The following NCK2 variants were observed in gnomAD, a reference collection of about 807,000 sequenced individuals.
NCK2 encodes the protein NCK adaptor protein 2, also known as cytoplasmic protein NCK2.
A neutral mutation model predicts 33.9 loss-of-function variants in NCK2; 16 were observed. The observed-to-expected ratio is 0.47, with a 90% CI of 0.32 to 0.72. The LOEUF is 0.72. Ranked by LOEUF, NCK2 falls within the 30% of genes least tolerant of loss-of-function variation. The pLI, the probability that NCK2 is intolerant of heterozygous loss-of-function variation, is 0.03. For missense variants in NCK2, 418 were observed against 537.3 expected (o/e 0.78, Z 2.19); for synonymous variants, 273 against 239.9 (o/e 1.14, Z -1.27).
intron 1 of NCK2, among the ~76,000 whole-genome samples, chr2:105,790,482 C>T (rs1690841302): frequency 6.6e-6 from 1 of 152,188 alleles, no homozygotes; most frequent in African/African-American, 2.4e-5. Context: ...GGAGCCCGGC[C>T]ACCCCCGCCT....
chr2:105,869,875 TC>T (rs1446159110), intron 3 of NCK2, among the ~76,000 whole-genome samples: 1 of 152,254 alleles, frequency 6.6e-6, no homozygotes, highest in East Asian at 1.9e-4. Context: ...CATTTGACTT[TC>T]ATTCACATTT....
At chr2:105,891,973 G>A (rs939318829) in intron 4 of NCK2, among the ~76,000 whole-genome samples, 1 of 151,982 alleles carries the variant, frequency 6.6e-6, no homozygotes, top group Non-Finnish European at 1.5e-5. Context: ...GCTTCCTCTG[G>A]GATATTGTGA....
At chr2:105,829,405 G>T (rs138888288) in intron 2 of NCK2, among the ~76,000 whole-genome samples, 4 of 152,142 alleles carry the variant, frequency 2.6e-5, no homozygotes, top group South Asian at 2.1e-4. Flanking sequence ...AACTAAAATT[G>T]GTCCATTATT....
chr2:105,859,310 T>TA (rs1677420966), intron 3 of NCK2, among the ~76,000 whole-genome samples: 2 of 152,306 alleles, frequency 1.3e-5, no homozygotes, highest in East Asian at 3.9e-4. Flanking sequence ...CCCAAAAAGT[T>TA]ACGGTTCCAT....
chr2:105,824,695 C>T (rs1451788197), intron 2 of NCK2, among the ~76,000 whole-genome samples: 2 of 152,092 alleles, frequency 1.3e-5, no homozygotes, highest in African/African-American at 4.8e-5. Flanking sequence ...GGGTGTTGTG[C>T]TTTCATGGCT....
chr2:105,774,782 T>C (rs943809404), intron 1 of NCK2, among the ~76,000 whole-genome samples: 1 of 152,150 alleles, frequency 6.6e-6, no homozygotes, highest in Non-Finnish European at 1.5e-5. Flanking sequence ...TGTGAAGCAT[T>C]CATTGGACAC....
chr2:105,877,073 A>C (rs1396200515), intron 3 of NCK2, among the ~76,000 whole-genome samples: 2 of 152,310 alleles, frequency 1.3e-5, no homozygotes, highest in East Asian at 3.9e-4. Context: ...GGGATCGCTG[A>C]GTCCCCTAAG....
rs553842426 is a variant in NCK2, at chr2:105,757,430, C to CT, written c.-201+12293dup. Among the ~76,000 whole-genome samples, 43 of 152,188 alleles carry CT rather than the reference C, an allele frequency of 2.8e-4. No individual in the cohort carries two copies. In the South Asian group the frequency reaches 8.5e-3, roughly 30 times the overall value. ...AAATTGATGTTGCTGTTGCTTTTCT[C>CT]TGAGTGTAGTTAGGAGGGCTGGAAG... On this transcript the variant is annotated intron_variant, in intron 1 of 4. Transcript: ENST00000233154.
intron 2 of NCK2, among the ~76,000 whole-genome samples, chr2:105,828,413 A>G (rs114046263): frequency 0.012 from 1,878 of 152,336 alleles, 27 homozygotes; most frequent in Non-Finnish European, 0.015. Flanking sequence ...GGTCAAATTT[A>G]AAAAATGGCA....
intron 1 of NCK2, among the ~76,000 whole-genome samples, chr2:105,768,479 G>C (rs1401535128): frequency 6.6e-6 from 1 of 152,122 alleles, no homozygotes; most frequent in African/African-American, 2.4e-5. Flanking sequence ...CTGATCAACT[G>C]GCTGTAAATT....
At chr2:105,890,476 G>C (rs1036741840) in intron 4 of NCK2, among the ~76,000 whole-genome samples, 1 of 152,120 alleles carries the variant, frequency 6.6e-6, no homozygotes, top group Non-Finnish European at 1.5e-5. Context: ...ACAACTTCTA[G>C]TACAGAATAT....
intron 4 of NCK2, among the ~76,000 whole-genome samples, chr2:105,889,655 C>T (rs903000625): frequency 1.3e-5 from 2 of 150,682 alleles, no homozygotes; most frequent in East Asian, 3.9e-4. Context: ...CCTGTCATAC[C>T]TCACTGTTGC....
chr2:105,857,186 A>T (rs192759280), intron 3 of NCK2: 2 of 152,330 alleles, frequency 1.3e-5, no homozygotes, highest in Admixed American at 1.3e-4. Context: ...TTCTAGAAGC[A>T]GAAAAGACAA....
At chr2:105,752,347 C>T in intron 1 of NCK2, among the ~76,000 whole-genome samples, 1 of 152,170 alleles carries the variant, frequency 6.6e-6, no homozygotes, top group Non-Finnish European at 1.5e-5. Context: ...TTCAGACACT[C>T]AGCACATGAT....
intron 3 of NCK2, among the ~76,000 whole-genome samples, chr2:105,861,975 G>A (rs928914332): frequency 7.4e-6 from 1 of 135,088 alleles, no homozygotes; most frequent in African/African-American, 2.9e-5. Context: ...CCTGCATAAT[G>A]GCTACAAGAA....
rs141992820 is a variant in NCK2, at chr2:105,792,735, A to G, written c.-200-23695A>G. 1.9e-3 allele frequency among the ~76,000 whole-genome samples: 284 copies of G among 152,314 alleles called. 3 individuals carry two copies. The highest frequency in any genetic ancestry group is 6.7e-3 in the African/African-American group (277 of 41,560). On this transcript the variant is annotated intron_variant, in intron 1 of 4. Transcript: ENST00000233154. ...TTCCTAGAAACTGCACATCAGAACC[A>G]GAGCCAGTCTGGTGCGATTTTCTGG...
At chr2:105,786,202 C>T (rs1300444832) in intron 1 of NCK2, among the ~76,000 whole-genome samples, 1 of 152,162 alleles carries the variant, frequency 6.6e-6, no homozygotes, top group Non-Finnish European at 1.5e-5. Context: ...AATCCCAGCA[C>T]CAGGGATGAA....
intron 1 of NCK2, among the ~76,000 whole-genome samples, chr2:105,769,408 A>G (rs1248361465): frequency 6.6e-6 from 1 of 152,104 alleles, no homozygotes; most frequent in Non-Finnish European, 1.5e-5. Flanking sequence ...CTGTGCTGGT[A>G]ACTCCCCCGT....
chr2:105,756,244 C>T (rs947048783), intron 1 of NCK2, among the ~76,000 whole-genome samples: 1 of 152,150 alleles, frequency 6.6e-6, no homozygotes, highest in Non-Finnish European at 1.5e-5. Flanking sequence ...TGTTTCTTAC[C>T]CCTCTCTTCC....
Sources: gnomAD v4.1 joint callset for allele counts (sites outside exome capture counted in the v4.1 genomes callset) on GRCh38, gnomAD v4.1.1 for gene constraint, MANE v1.5 for transcripts, NCBI Gene and HGNC (gene_info 2026-07-23, HGNC 2026-07-21) for gene names.